PDE3A: variants seen among roughly 807,000 people sequenced by gnomAD.
PDE3A encodes the protein phosphodiesterase 3A.
Under a neutral mutation model 98.3 loss-of-function variants are expected in PDE3A, and 43 were observed. The ratio of observed to expected loss-of-function variants is 0.44; its 90% CI spans 0.34 to 0.56. PDE3A has a LOEUF of 0.56. Ranked by LOEUF, PDE3A falls within the 20% of genes least tolerant of loss-of-function variation. The pLI is 0.01. For synonymous variants in PDE3A, 663 were observed against 567.9 expected, an observed-to-expected ratio of 1.17 and a Z score of -2.38; for missense variants, 1,427 against 1,440.7, an observed-to-expected ratio of 0.99 and a Z score of 0.15.
chr12:20,433,866 A>C (rs1944738153), intron 1 of PDE3A, among the ~76,000 whole-genome samples: 1 of 152,090 alleles, frequency 6.6e-6, no homozygotes, highest in African/African-American at 2.4e-5. Flanking sequence ...GAGAGAGATC[A>C]TGTGTAGATA....
At chr12:20,517,875 G>A (rs533049356) in intron 1 of PDE3A, among the ~76,000 whole-genome samples, 2 of 152,224 alleles carry the variant, frequency 1.3e-5, no homozygotes, top group South Asian at 4.2e-4. Flanking sequence ...TTAGGATTAT[G>A]ACTTAATAAG....
chr12:20,370,352 G>C (rs974507528), intron 1 of PDE3A, 108 bp downstream of exon 1: 1 of 843,700 alleles, frequency 1.2e-6, no homozygotes, highest in African/African-American at 1.7e-5. Context: ...AGATAGCCTA[G>C]AAAACTGGTC....
chr12:20,442,242 G>A (rs376794054), intron 1 of PDE3A, among the ~76,000 whole-genome samples: 2 of 152,106 alleles, frequency 1.3e-5, no homozygotes, highest in Non-Finnish European at 2.9e-5. Flanking sequence ...TCCAGTGTGC[G>A]ACCCATATTC....
At chr12:20,440,008 C>T (rs1944843779) in intron 1 of PDE3A, among the ~76,000 whole-genome samples, 1 of 152,060 alleles carries the variant, frequency 6.6e-6, no homozygotes, top group African/African-American at 2.4e-5. Context: ...ATAATTGTTT[C>T]TGTGTACATT....
intron 1 of PDE3A, among the ~76,000 whole-genome samples, chr12:20,482,263 T>C (rs1042940561): frequency 1.4e-4 from 21 of 151,428 alleles, no homozygotes; most frequent in Non-Finnish European, 8.8e-5. Flanking sequence ...AAACCTGATG[T>C]AGAAGAATGT....
rs531603453 is a variant in PDE3A, at chr12:20,473,667, G to C, written c.961-82993G>C. Among the ~76,000 whole-genome samples the C allele has an allele frequency of 7.2e-5, 11 of 151,934 alleles. No homozygotes were observed. In the South Asian group the frequency reaches 2.3e-3, roughly 32 times the overall value. ...TTTTAAGAAAATCATTCCATAGCATGGATCTCTTAAAAATAGAATTATATA... is the reference window on the plus strand; with the variant it reads ...TTTTAAGAAAATCATTCCATAGCATCGATCTCTTAAAAATAGAATTATATA... On this transcript the variant is annotated intron_variant, in intron 1 of 15. Transcript: ENST00000359062.
rs565818267 is a variant in PDE3A, at chr12:20,624,444, A to G, written c.1540+3033A>G. Among the ~76,000 whole-genome samples, 13 of 152,274 alleles carry G rather than the reference A, an allele frequency of 8.5e-5. No homozygotes were observed. In the East Asian group the frequency reaches 2.3e-3, roughly 27 times the overall value. ...TCCCCAGTTTGTATGACTTCACTCT[A>G]GAAGAAAGAGCAAAGGAGCAAAATG... On this transcript the variant is annotated intron_variant, in intron 5 of 15. Coordinates refer to ENST00000359062, the MANE Select transcript of PDE3A (RefSeq NM_000921.5).
At chr12:20,430,169 G>C (rs1467309581) in intron 1 of PDE3A, among the ~76,000 whole-genome samples, 1 of 152,058 alleles carries the variant, frequency 6.6e-6, no homozygotes, top group Non-Finnish European at 1.5e-5. Context: ...CTCCTTCAAG[G>C]TGACTCTACT....
intron 4 of PDE3A, among the ~76,000 whole-genome samples, chr12:20,618,559 G>A (rs1292182488): frequency 6.6e-6 from 1 of 152,014 alleles, no homozygotes; most frequent in Non-Finnish European, 1.5e-5. Context: ...AATCTGAAGG[G>A]TCTTGGCCCT....
intron 1 of PDE3A, among the ~76,000 whole-genome samples, chr12:20,504,034 G>A (rs944302648): frequency 2.0e-5 from 3 of 152,050 alleles, no homozygotes; most frequent in East Asian, 1.9e-4. Flanking sequence ...ACTTCACGTT[G>A]CATTCATTTT....
chr12:20,568,629 T>C (rs528935008), intron 2 of PDE3A, among the ~76,000 whole-genome samples: 215 of 152,128 alleles, frequency 1.4e-3, no homozygotes, highest in African/African-American at 4.9e-3. Context: ...CAGCACAGTA[T>C]AGTGAATAAT....
chr12:20,629,770 T>C (rs190402175), intron 5 of PDE3A, 138 bp from the exon 6 acceptor site: 1 of 650,802 alleles, frequency 1.5e-6, no homozygotes, highest in African/African-American at 1.8e-5. Flanking sequence ...GATGTTGGTA[T>C]GTGGAGGAGG....
At chr12:20,613,730 G>A in intron 3 of PDE3A, 30 bp downstream of exon 3, 3 of 1,583,872 alleles carry the variant, frequency 1.9e-6, no homozygotes, top group South Asian at 1.1e-5. Flanking sequence ...CCCTTAAAGG[G>A]TTAAACTATT....
At chr12:20,644,016 G>A (rs1423177334) in intron 10 of PDE3A, among the ~76,000 whole-genome samples, 1 of 151,924 alleles carries the variant, frequency 6.6e-6, no homozygotes, top group Non-Finnish European at 1.5e-5. Context: ...ATCCACCTCC[G>A]TACTGCTATG....
intron 12 of PDE3A, among the ~76,000 whole-genome samples, chr12:20,647,265 A>G (rs1263101480): frequency 3.3e-5 from 5 of 152,166 alleles, no homozygotes; most frequent in Non-Finnish European, 7.4e-5. Flanking sequence ...CCTTTCTGAA[A>G]AGATTAGAGA....
Position 20,680,407 on chromosome 12 carries a change from T to C in PDE3A, c.*136T>C. ...CTATTGCATTTTGGGATTCTTCGCA[T>C]TTTGTGTGTATATTTTTACAGTGAG... On this transcript the variant is annotated 3_prime_UTR_variant, in exon 16 of 16. Coordinates refer to ENST00000359062, the MANE Select transcript of PDE3A (RefSeq NM_000921.5). 1 of 918,594 alleles carries C rather than the reference T, an allele frequency of 1.1e-6. No individual in the cohort carries two copies. Among genetic ancestry groups the C allele is most frequent in the South Asian group, 1.8e-5 (1 of 54,898 alleles). 56.9% of individuals were successfully genotyped at this position (918,594 alleles called of 1,614,324 possible).
Position 20,441,870 on chromosome 12 carries a change from G to A in PDE3A, c.960+71626G>A, listed in dbSNP as rs370671223. Among the ~76,000 whole-genome samples the A allele has an allele frequency of 2.7e-4, 41 of 152,046 alleles. No individual in the cohort carries two copies. The East Asian group carries it at 5.2e-3, about 19-fold the overall frequency. On this transcript the variant is annotated intron_variant, in intron 1 of 15. Transcript: ENST00000359062. ...ATAGTGCATGTGCTTATGATCCTCC[G>A]GGGCCCACAGCATGCATTTCTTGTT...
intron 1 of PDE3A, among the ~76,000 whole-genome samples, chr12:20,456,814 C>T (rs1945160397): frequency 6.6e-6 from 1 of 152,098 alleles, no homozygotes; most frequent in African/African-American, 2.4e-5. Flanking sequence ...AGAATTAACG[C>T]TATGGGCTTG....
chr12:20,617,964 A>G (rs1416671691), intron 4 of PDE3A, among the ~76,000 whole-genome samples: 1 of 152,158 alleles, frequency 6.6e-6, no homozygotes, highest in East Asian at 1.9e-4. Flanking sequence ...TCATCCAAAT[A>G]TTTACAATAG....
Sources: gnomAD v4.1 joint callset for allele counts (sites outside exome capture counted in the v4.1 genomes callset) on GRCh38, gnomAD v4.1.1 for gene constraint, MANE v1.5 for transcripts, NCBI Gene and HGNC (gene_info 2026-07-23, HGNC 2026-07-21) for gene names.